The following NR6A1 variants were observed in gnomAD, a reference collection of about 807,000 sequenced individuals.
NR6A1 encodes retinoic acid receptor-related testis-associated receptor.
A neutral mutation model predicts 59.1 loss-of-function variants in NR6A1; 7 were observed. That is an observed-to-expected ratio of 0.12 (90% CI 0.07 to 0.22). The LOEUF is 0.22. Among genes scored for constraint, NR6A1 ranks in the 10% least tolerant of loss-of-function variants. The pLI, the probability that NR6A1 is intolerant of heterozygous loss-of-function variation, is 1.00. For missense variants in NR6A1, 468 were observed against 611.6 expected, an observed-to-expected ratio of 0.77 and a Z score of 2.48; for synonymous variants, 243 against 236.1, an observed-to-expected ratio of 1.03 and a Z score of -0.27.
intron 2 of NR6A1, among the ~76,000 whole-genome samples, chr9:124,622,358 C>T (rs1836102230): frequency 6.6e-6 from 1 of 152,218 alleles, no homozygotes; most frequent in Non-Finnish European, 1.5e-5. Context: ...TGTCGGTGAT[C>T]TCCCTAAGTC....
chr9:124,728,969 A>G (rs776424088), intron 2 of NR6A1, among the ~76,000 whole-genome samples: 1 of 152,210 alleles, frequency 6.6e-6, no homozygotes, highest in Non-Finnish European at 1.5e-5. Context: ...TGTTGTTCAA[A>G]TACGTGATGA....
chr9:124,591,033 A>C (rs1835105952), intron 2 of NR6A1, among the ~76,000 whole-genome samples: 1 of 152,166 alleles, frequency 6.6e-6, no homozygotes, highest in South Asian at 2.1e-4. Flanking sequence ...TAACACTGCA[A>C]TTGGTTCTAG....
intron 2 of NR6A1, among the ~76,000 whole-genome samples, chr9:124,642,227 T>C (rs1836787222): frequency 6.6e-6 from 1 of 152,148 alleles, no homozygotes; most frequent in African/African-American, 2.4e-5. Flanking sequence ...TTTTTGTATT[T>C]TTAGTAGAGA....
At chr9:124,677,402 G>A (rs1207787093) in intron 2 of NR6A1, among the ~76,000 whole-genome samples, 4 of 151,952 alleles carry the variant, frequency 2.6e-5, no homozygotes, top group Non-Finnish European at 5.9e-5. Context: ...GGGACTACAG[G>A]TGGGCACCAC....
intron 1 of NR6A1, among the ~76,000 whole-genome samples, chr9:124,767,607 G>C (rs1189925054): frequency 3.3e-5 from 5 of 151,672 alleles, no homozygotes; most frequent in Non-Finnish European, 7.4e-5. Flanking sequence ...TCTAATGGGA[G>C]TAGGAAAAAA....
At chr9:124,768,628 G>A (rs1033902385) in intron 1 of NR6A1, among the ~76,000 whole-genome samples, 14 of 152,172 alleles carry the variant, frequency 9.2e-5, no homozygotes, top group African/African-American at 3.4e-4. Context: ...AAGCTTTAAA[G>A]CCACCTTAGT....
At chr9:124,730,313 GCCT>G (rs1237778467) in intron 2 of NR6A1, among the ~76,000 whole-genome samples, 1 of 152,046 alleles carries the variant, frequency 6.6e-6, no homozygotes, top group Non-Finnish European at 1.5e-5. Flanking sequence ...CTCAACTGCA[GCCT>G]CCTCCTCCTT....
intron 2 of NR6A1, among the ~76,000 whole-genome samples, chr9:124,580,550 T>TGG (rs1230783614): frequency 6.6e-6 from 1 of 152,190 alleles, no homozygotes; most frequent in Non-Finnish European, 1.5e-5. Context: ...CCAGGCGTGG[T>TGG]GGTTCACACC....
At chr9:124,691,894 G>A (rs1336168938) in intron 2 of NR6A1, among the ~76,000 whole-genome samples, 3 of 152,124 alleles carry the variant, frequency 2.0e-5, no homozygotes, top group African/African-American at 7.2e-5. Flanking sequence ...AAATTTACAT[G>A]TTTGACTTTG....
intron 1 of NR6A1, among the ~76,000 whole-genome samples, chr9:124,745,709 G>A (rs1211475956): frequency 1.4e-5 from 2 of 144,162 alleles, no homozygotes; most frequent in Non-Finnish European, 3.0e-5. Context: ...CAGGCCGGGT[G>A]CGGTGGCTCA....
intron 2 of NR6A1, among the ~76,000 whole-genome samples, chr9:124,651,901 A>AC: frequency 6.6e-6 from 1 of 152,284 alleles, no homozygotes; most frequent in East Asian, 1.9e-4. Flanking sequence ...TTGGCACCTG[A>AC]CCATTTCTGC....
At chr9:124,533,956 CCTTTT>C (rs1833175059) in intron 7 of NR6A1, among the ~76,000 whole-genome samples, 1 of 151,648 alleles carries the variant, frequency 6.6e-6, no homozygotes, top group South Asian at 2.1e-4. Context: ...GCCAGGGGCA[CCTTTT>C]CTTTTCTCCT....
At chr9:124,577,679 A>G (rs142043777) in intron 2 of NR6A1, among the ~76,000 whole-genome samples, 3 of 152,324 alleles carry the variant, frequency 2.0e-5, no homozygotes, top group Admixed American at 6.5e-5. Context: ...TGACCTATGT[A>G]TCTGTAACAC....
chr9:124,571,935 T>A (rs756795397), intron 2 of NR6A1, among the ~76,000 whole-genome samples: 6 of 151,216 alleles, frequency 4.0e-5, no homozygotes, highest in Non-Finnish European at 7.4e-5. Context: ...AAAAAAAAAA[T>A]TGACTATGAC....
intron 2 of NR6A1, among the ~76,000 whole-genome samples, chr9:124,704,644 C>G (rs1391654033): frequency 6.6e-6 from 1 of 152,180 alleles, no homozygotes; most frequent in Non-Finnish European, 1.5e-5. Flanking sequence ...TTTCAAATAT[C>G]CAGGCATTAT....
chr9:124,589,964 T>C (rs905903519), intron 2 of NR6A1, among the ~76,000 whole-genome samples: 10 of 144,648 alleles, frequency 6.9e-5, no homozygotes, highest in African/African-American at 1.0e-4. Flanking sequence ...ACTCAGGAGA[T>C]TGAGGCAGGA....
At chr9:124,527,535 C>G (rs1832973782) in intron 7 of NR6A1, among the ~76,000 whole-genome samples, 1 of 152,232 alleles carries the variant, frequency 6.6e-6, no homozygotes, top group South Asian at 2.1e-4. Context: ...AGCATTATCA[C>G]ATTTAATTCT....
intron 2 of NR6A1, among the ~76,000 whole-genome samples, chr9:124,561,308 G>A (rs1023431837): frequency 2.6e-5 from 4 of 151,898 alleles, no homozygotes; most frequent in African/African-American, 7.3e-5. Flanking sequence ...GTGGTGGTGC[G>A]CCTATAGTCC....
intron 2 of NR6A1, among the ~76,000 whole-genome samples, chr9:124,628,317 C>T (rs1275462856): frequency 1.3e-5 from 2 of 152,138 alleles, no homozygotes; most frequent in African/African-American, 2.4e-5. Flanking sequence ...CGTGAGCCAC[C>T]GCACCTGGCC....
Sources: allele counts gnomAD v4.1 joint callset (sites outside exome capture counted in the v4.1 genomes callset), GRCh38; gene constraint gnomAD v4.1.1; transcripts MANE v1.5; gene names NCBI Gene and HGNC (gene_info 2026-07-23, HGNC 2026-07-21).